DPP10: variants seen among roughly 807,000 people sequenced by gnomAD.
The protein encoded by DPP10 is dipeptidyl peptidase like 10.
In DPP10, 33 loss-of-function variants were observed where a neutral mutation model predicts 120.9. That is an observed-to-expected ratio of 0.27 (90% CI 0.21 to 0.37). The LOEUF (loss-of-function observed/expected upper bound fraction) is 0.37, where lower values mean the gene tolerates loss of function less well. DPP10 is among the 10% of genes least tolerant of loss of function. The probability of loss-of-function intolerance (pLI) is 1.00; values close to 1 mark genes in which losing one functional copy is unlikely to be tolerated. For missense variants in DPP10, 816 were observed against 942.8 expected (o/e 0.87, Z 1.76); for synonymous variants, 337 against 326.1 (o/e 1.03, Z -0.36).
intron 15 of DPP10, among the ~76,000 whole-genome samples, chr2:115,779,181 CATA>C (rs1426550464): frequency 3.3e-5 from 5 of 152,072 alleles, no homozygotes; most frequent in African/African-American, 1.2e-4. Context: ...TGATTTGAAT[CATA>C]ATGACTTCTT....
At chr2:115,534,651 G>C (rs1410525188) in intron 5 of DPP10, among the ~76,000 whole-genome samples, 1 of 151,794 alleles carries the variant, frequency 6.6e-6, no homozygotes, top group Non-Finnish European at 1.5e-5. Context: ...GGATCAAATG[G>C]TATTTCTAGT....
At chr2:115,803,335 G>C (rs899708708) in intron 19 of DPP10, among the ~76,000 whole-genome samples, 2 of 152,158 alleles carry the variant, frequency 1.3e-5, no homozygotes, top group African/African-American at 4.8e-5. Flanking sequence ...CTCTGCACGT[G>C]AGATGGGTTT....
At chr2:114,699,895 T>C (rs1357493083) in intron 1 of DPP10, among the ~76,000 whole-genome samples, 3 of 152,084 alleles carry the variant, frequency 2.0e-5, no homozygotes, top group African/African-American at 7.2e-5. Context: ...AATCTATTAG[T>C]TACGATACTC....
intron 13 of DPP10, among the ~76,000 whole-genome samples, chr2:115,769,671 G>T (rs571268440): frequency 6.6e-6 from 1 of 151,942 alleles, no homozygotes; most frequent in Non-Finnish European, 1.5e-5. Context: ...ATTTATATAT[G>T]CATTTATAGA....
intron 1 of DPP10, among the ~76,000 whole-genome samples, chr2:114,598,074 C>T (rs1381133233): frequency 6.6e-6 from 1 of 151,792 alleles, no homozygotes; most frequent in African/African-American, 2.4e-5. Context: ...GGAGCAGAGG[C>T]CACATTTCCT....
At chr2:114,619,381 ATG>A (rs71998520) in intron 1 of DPP10, among the ~76,000 whole-genome samples, 21,018 of 145,446 alleles carry the variant, frequency 0.14, 1,707 homozygotes, top group African/African-American at 0.23. Flanking sequence ...ATATATACAT[ATG>A]TGTGTGTGTG....
chr2:114,871,434 T>C (rs1690684009), intron 1 of DPP10, among the ~76,000 whole-genome samples: 1 of 152,150 alleles, frequency 6.6e-6, no homozygotes, highest in Admixed American at 6.5e-5. Context: ...TTAAAAGTAA[T>C]GATACAAGTA....
intron 1 of DPP10, among the ~76,000 whole-genome samples, chr2:114,651,292 TTCCAAGTAAGTCTGCATTAC>T (rs547114344): frequency 1.2e-3 from 185 of 152,340 alleles, no homozygotes; most frequent in African/African-American, 4.0e-3. Context: ...AAGGTATTTC[TTCCAAGTAAGTCTGCATTAC>T]TCCAGGGTAA....
At chr2:115,240,086 A>G (rs2058201282) in intron 1 of DPP10, among the ~76,000 whole-genome samples, 1 of 152,228 alleles carries the variant, frequency 6.6e-6, no homozygotes, top group South Asian at 2.1e-4. Flanking sequence ...TCTTTATAGT[A>G]GGATGATTTA....
chr2:115,779,819 TATC>T (rs200365669), intron 15 of DPP10, among the ~76,000 whole-genome samples: 2,896 of 152,142 alleles, frequency 0.019, 149 homozygotes, highest in Admixed American at 0.11. Context: ...TTTTATAAGT[TATC>T]ATGAGTGAAA....
chr2:114,578,023 T>A (rs946151533), intron 1 of DPP10, among the ~76,000 whole-genome samples: 1 of 152,208 alleles, frequency 6.6e-6, no homozygotes, highest in South Asian at 2.1e-4. Context: ...CTTCAAAATA[T>A]AAATTTTGGG....
At chr2:114,829,132 T>G (rs1226078915) in intron 1 of DPP10, among the ~76,000 whole-genome samples, 5 of 151,460 alleles carry the variant, frequency 3.3e-5, no homozygotes, top group African/African-American at 1.2e-4. Context: ...ACTAAAAAAC[T>G]ACAAAAATTA....
rs1475248042 is a variant in DPP10 at position 114,671,889 on chromosome 2, C to CT, written c.60+229057dup. Among the ~76,000 whole-genome samples, 4 of 151,898 alleles carry CT rather than the reference C, an allele frequency of 2.6e-5. No homozygotes were observed. The East Asian group carries it at 5.8e-4, about 22-fold the overall frequency. ...CCAAATACTTTTCTTTCTTTTTTCA[C>CT]TTTTTTGGAGGGAAAATAATCATAT... On this transcript the variant is annotated intron_variant, in intron 1 of 25. Coordinates refer to ENST00000410059, the MANE Select transcript of DPP10 (RefSeq NM_020868.6).
intron 1 of DPP10, among the ~76,000 whole-genome samples, chr2:115,136,310 C>T (rs556314919): frequency 1.8e-4 from 27 of 152,236 alleles, no homozygotes; most frequent in African/African-American, 4.3e-4. Context: ...AATGGAAGAG[C>T]GCACCTGTGT....
intron 1 of DPP10, among the ~76,000 whole-genome samples, chr2:115,015,086 G>T (rs575937793): frequency 6.6e-6 from 1 of 152,010 alleles, no homozygotes; most frequent in African/African-American, 2.4e-5. Flanking sequence ...GATGAACATC[G>T]ATGCGAAAAT....
intron 1 of DPP10, among the ~76,000 whole-genome samples, chr2:114,845,337 CA>C (rs1388350897): frequency 6.6e-6 from 1 of 152,018 alleles, no homozygotes. Context: ...TATGTGGGGA[CA>C]GGGGGTATAT....
At chr2:114,829,088 A>G (rs1219397546) in intron 1 of DPP10, among the ~76,000 whole-genome samples, 1 of 152,060 alleles carries the variant, frequency 6.6e-6, no homozygotes, top group Non-Finnish European at 1.5e-5. Context: ...GGAGTTCAAG[A>G]CCACCCTGGC....
intron 3 of DPP10, chr2:115,468,230 C>A: frequency 2.0e-6 from 1 of 502,754 alleles, no homozygotes; most frequent in East Asian, 5.6e-5. Flanking sequence ...GGAGAAGCTT[C>A]TGCTGACCGC....
At chr2:115,342,329 C>T (rs568993118) in intron 2 of DPP10, among the ~76,000 whole-genome samples, 78 of 152,232 alleles carry the variant, frequency 5.1e-4, no homozygotes, top group Admixed American at 5.0e-3. Context: ...ACCTCAGCCT[C>T]GCAAGTAGCT....
Sources: allele counts gnomAD v4.1 joint callset (sites outside exome capture counted in the v4.1 genomes callset), GRCh38; gene constraint gnomAD v4.1.1; transcripts MANE v1.5; gene names NCBI Gene and HGNC (gene_info 2026-07-23, HGNC 2026-07-21).